The following ZNF516 variants were observed in gnomAD, a reference collection of about 807,000 sequenced individuals.
The protein encoded by ZNF516 is zinc finger protein 516.
ZNF516 carries 19 observed loss-of-function variants against 79.7 expected under a neutral mutation model. That is an observed-to-expected ratio of 0.24 (90% CI 0.17 to 0.35). The LOEUF is 0.35. Ranked by LOEUF, ZNF516 falls within the 10% of genes least tolerant of loss-of-function variation. The pLI is 1.00. For missense variants in ZNF516, 1,678 were observed against 1,679.5 expected, an observed-to-expected ratio of 1.00 and a Z score of 0.02; for synonymous variants, 877 against 739.5, an observed-to-expected ratio of 1.19 and a Z score of -3.02.
At chr18:76,371,794 G>A (rs879827882) in intron 4 of ZNF516, among the ~76,000 whole-genome samples, 3 of 152,172 alleles carry the variant, frequency 2.0e-5, no homozygotes, top group East Asian at 1.9e-4. Context: ...AAATTACAGC[G>A]AATTAAAAAC....
At chr18:76,400,595 G>A (rs539898894) in intron 3 of ZNF516, among the ~76,000 whole-genome samples, 1 of 152,292 alleles carries the variant, frequency 6.6e-6, no homozygotes, top group East Asian at 1.9e-4. Flanking sequence ...TAAGCAGAGA[G>A]GGGTGACCAA....
At chr18:76,380,342 C>A in intron 3 of ZNF516, 39 bp from the exon 4 acceptor site, 1 of 1,596,894 alleles carries the variant, frequency 6.3e-7, no homozygotes, top group South Asian at 1.1e-5. Context: ...GTTACCATTT[C>A]TCATCAGAAC....
chr18:76,406,314 T>C (rs1001389807), intron 3 of ZNF516, among the ~76,000 whole-genome samples: 2 of 152,070 alleles, frequency 1.3e-5, no homozygotes, highest in African/African-American at 4.8e-5. Context: ...GCCTGTAATC[T>C]CAGAACTCTG....
chr18:76,489,815 T>C (rs2897347), intron 1 of ZNF516, among the ~76,000 whole-genome samples: 18,369 of 152,142 alleles, frequency 0.12, 1,175 homozygotes, highest in Middle Eastern at 0.2. Context: ...AAGATTATTC[T>C]AATAAACAAA....
chr18:76,435,126 T>C (rs1335618602), intron 3 of ZNF516, among the ~76,000 whole-genome samples: 1 of 152,130 alleles, frequency 6.6e-6, no homozygotes, highest in East Asian at 1.9e-4. Context: ...TATGATCCTA[T>C]CTTGAGTTAA....
intron 1 of ZNF516, among the ~76,000 whole-genome samples, chr18:76,491,295 C>CGGCCCT (rs1906821154): frequency 2.0e-5 from 2 of 99,736 alleles, no homozygotes; most frequent in Admixed American, 1.0e-4. Flanking sequence ...GCCCCGGCCC[C>CGGCCCT]GGCCCTCCAC....
In ZNF516 at chr18:76,368,144, T is replaced by C. The variant is rs1380853585; in HGVS notation, c.3432+2384A>G. Among the ~76,000 whole-genome samples the C allele has an allele frequency of 2.0e-5, 3 of 152,192 alleles. No individual in the cohort carries two copies. The East Asian group carries it at 5.8e-4, about 29-fold the overall frequency. ...AATGTTTTCTATAATCTATAAGGTATCTTAAATTTAACACAGCTATTGTGG... is the reference window on the plus strand; with the variant it reads ...AATGTTTTCTATAATCTATAAGGTACCTTAAATTTAACACAGCTATTGTGG... On this transcript the variant is annotated intron_variant, in intron 6 of 6. Coordinates refer to ENST00000443185, the MANE Select transcript of ZNF516 (RefSeq NM_014643.4).
intron 3 of ZNF516, among the ~76,000 whole-genome samples, chr18:76,437,320 G>A (rs183316224): frequency 2.6e-5 from 4 of 152,272 alleles, no homozygotes; most frequent in Admixed American, 2.0e-4. Context: ...GTGGAAAGAA[G>A]ATGGGCTCTG....
chr18:76,366,647 G>C (rs750665585), intron 6 of ZNF516, among the ~76,000 whole-genome samples: 1 of 152,198 alleles, frequency 6.6e-6, no homozygotes, highest in Non-Finnish European at 1.5e-5. Context: ...TATGTGTGTA[G>C]ATGTGTTCAC....
intron 3 of ZNF516, among the ~76,000 whole-genome samples, chr18:76,421,000 G>C (rs2075499766): frequency 6.6e-6 from 1 of 152,178 alleles, no homozygotes; most frequent in Non-Finnish European, 1.5e-5. Flanking sequence ...AACAAACAAG[G>C]AGATGTCCCA....
At chr18:76,469,547 G>A (rs531751919) in intron 1 of ZNF516, among the ~76,000 whole-genome samples, 10 of 152,190 alleles carry the variant, frequency 6.6e-5, no homozygotes, top group South Asian at 2.1e-4. Flanking sequence ...AAAAATTACC[G>A]GGTTGGGATA....
chr18:76,469,980 T>A (rs919729785), intron 1 of ZNF516, among the ~76,000 whole-genome samples: 4 of 152,256 alleles, frequency 2.6e-5, no homozygotes, highest in African/African-American at 9.6e-5. Flanking sequence ...ATAATATTTA[T>A]AAGGCATTGT....
intron 2 of ZNF516, among the ~76,000 whole-genome samples, chr18:76,461,051 G>C (rs377121381): frequency 7.2e-5 from 11 of 152,078 alleles, no homozygotes; most frequent in African/African-American, 2.7e-4. Flanking sequence ...GCGTGGTGGC[G>C]CATGCCTGTA....
intron 2 of ZNF516, 62 bp from the exon 3 acceptor site, chr18:76,443,273 C>T (rs1027582454): frequency 1.6e-5 from 10 of 635,424 alleles, no homozygotes; most frequent in African/African-American, 3.7e-5. Flanking sequence ...GGCATGGCTG[C>T]GGGAACCCCC....
At chr18:76,369,315 AAGCT>A (rs1301935388) in intron 6 of ZNF516, among the ~76,000 whole-genome samples, 4 of 152,260 alleles carry the variant, frequency 2.6e-5, no homozygotes, top group East Asian at 1.9e-4. Flanking sequence ...AGAAAGGCAG[AAGCT>A]AATTATTTAA....
In ZNF516 at chr18:76,371,052, GCATGGTC is replaced by G. The variant is rs2074695406; in HGVS notation, c.3364+408_3364+414del. ...GCTGAGGGATTTTGCAGTACATCCTGCATGGTCCAAAGGGGCCCGGGTGTATCCCACA... is the reference window on the plus strand; with the variant it reads ...GCTGAGGGATTTTGCAGTACATCCTGCAAAGGGGCCCGGGTGTATCCCACA... On this transcript the variant is annotated intron_variant, in intron 5 of 6. Transcript: ENST00000443185. Among the ~76,000 whole-genome samples, 5 of 152,324 alleles carry G rather than the reference GCATGGTC, an allele frequency of 3.3e-5. No homozygotes were observed. The South Asian group carries it at 1.0e-3, about 32-fold the overall frequency.
At chr18:76,489,070 G>A (rs565991595) in intron 1 of ZNF516, among the ~76,000 whole-genome samples, 32 of 152,308 alleles carry the variant, frequency 2.1e-4, no homozygotes, top group South Asian at 4.1e-4. Context: ...TATCTCTACA[G>A]CATTAAGGTA....
chr18:76,481,612 C>T (rs1003012823), intron 1 of ZNF516, among the ~76,000 whole-genome samples: 3 of 152,160 alleles, frequency 2.0e-5, no homozygotes, highest in South Asian at 2.1e-4. Context: ...AGTGTCCTCT[C>T]GGGTAAAAGG....
In ZNF516 at chr18:76,358,895, T is replaced by G. The variant is rs1347748405; in HGVS notation, c.*3603A>C. Reference sequence around the variant, plus strand: ...TCTTTGATCCAGAAAGCATCCCTACTGACCCTGTAACCTACACCCTCTCTG... The same window carrying G: ...TCTTTGATCCAGAAAGCATCCCTACGGACCCTGTAACCTACACCCTCTCTG... On this transcript the variant is annotated 3_prime_UTR_variant, in exon 7 of 7. Coordinates refer to ENST00000443185, the MANE Select transcript of ZNF516 (RefSeq NM_014643.4). The G allele has an allele frequency of 6.6e-6, 1 of 152,264 alleles. No individual in the cohort carries two copies. Among genetic ancestry groups the G allele is most frequent in the African/African-American group, 2.4e-5 (1 of 41,430 alleles). 9.4% of individuals were successfully genotyped at this position (152,264 alleles called of 1,614,324 possible). A position where few individuals can be genotyped will look rare whatever the true frequency, so the allele number is the denominator to read the frequency against.
Sources: gnomAD v4.1 joint callset for allele counts (sites outside exome capture counted in the v4.1 genomes callset) on GRCh38, gnomAD v4.1.1 for gene constraint, MANE v1.5 for transcripts, NCBI Gene and HGNC (gene_info 2026-07-23, HGNC 2026-07-21) for gene names.